NEBL: variants seen among roughly 807,000 people sequenced by gnomAD.
NEBL encodes nebulette.
NEBL carries 122 observed loss-of-function variants against 140.2 expected under a neutral mutation model. The ratio of observed to expected loss-of-function variants is 0.87; its 90% confidence interval spans 0.75 to 1.01. The LOEUF (loss-of-function observed/expected upper bound fraction) is 1.01. NEBL is among the 50% of genes least tolerant of loss of function. The pLI, the probability that NEBL is intolerant of heterozygous loss-of-function variation, is 0.00. For missense variants in NEBL, 1,365 were observed against 1,231.3 expected (o/e 1.11, Z -1.62); for synonymous variants, 436 against 398.9 (o/e 1.09, Z -1.11).
At chr10:21,160,392 G>A (rs1172952834) in intron 2 of NEBL, among the ~76,000 whole-genome samples, 1 of 151,962 alleles carries the variant, frequency 6.6e-6, no homozygotes, top group Non-Finnish European at 1.5e-5. Flanking sequence ...TTACATAACT[G>A]CTGTTTTAAA....
chr10:21,282,850 C>G (rs1224462510), intron 1 of NEBL, among the ~76,000 whole-genome samples: 1 of 152,076 alleles, frequency 6.6e-6, no homozygotes, highest in African/African-American at 2.4e-5. Flanking sequence ...ATAGGCAGGG[C>G]GCAGTGGCTC....
rs1842180680 is a variant in NEBL, at chr10:21,227,715, TTCTTCTTCTTCTTC to T, written n.348+20192_348+20205del. On this transcript the variant is annotated intron_variant and non_coding_transcript_variant, in intron 3 of 8. Transcript: ENST00000675702. ...TTCTTCTTCTTCTTCTTCTTCTTTC[TTCTTCTTCTTCTTC>T]TTCTTCTTCTTCTTCTTCTTCTTCT... is the stretch of plus-strand genomic sequence containing the variant. Among the ~76,000 whole-genome samples, 54 of 80,356 alleles carry T rather than the reference TTCTTCTTCTTCTTC, an allele frequency of 6.7e-4. 1 individual carries two copies. The highest frequency in any genetic ancestry group is 1.1e-3 in the African/African-American group (20 of 17,994). 52.7% of individuals were successfully genotyped at this position (80,356 alleles called of 152,430 possible). A position where few individuals can be genotyped will look rare whatever the true frequency, so the allele number is the denominator to read the frequency against.
chr10:21,019,126 T>A (rs1321957973), intron 3 of NEBL, among the ~76,000 whole-genome samples: 1 of 152,194 alleles, frequency 6.6e-6, no homozygotes, highest in Non-Finnish European at 1.5e-5. Flanking sequence ...TTCCCTTTCA[T>A]ATACCAGGAA....
intron 16 of NEBL, among the ~76,000 whole-genome samples, chr10:20,829,530 T>A (rs1436563201): frequency 1.3e-5 from 2 of 151,818 alleles, no homozygotes; most frequent in Non-Finnish European, 2.9e-5. Context: ...AGCACATGTA[T>A]ACATATGTAA....
intron 1 of NEBL, among the ~76,000 whole-genome samples, chr10:21,284,634 T>C (rs1197730512): frequency 6.6e-6 from 1 of 152,170 alleles, no homozygotes; most frequent in Non-Finnish European, 1.5e-5. Context: ...AGGAGTGCTA[T>C]ATAAATGCAA....
chr10:20,817,749 C>G (rs1838876468), intron 20 of NEBL, 57 bp from the exon 21 acceptor site: 1 of 1,351,530 alleles, frequency 7.4e-7, no homozygotes, highest in South Asian at 1.2e-5. Flanking sequence ...ACTGAAATAC[C>G]ACAAAGGACA....
chr10:21,002,741 G>T (rs139015833), intron 3 of NEBL, among the ~76,000 whole-genome samples: 1 of 152,036 alleles, frequency 6.6e-6, no homozygotes, highest in Non-Finnish European at 1.5e-5. Flanking sequence ...ACCAGATCTC[G>T]GGAGAACTCA....
intron 5 of NEBL, among the ~76,000 whole-genome samples, chr10:20,872,250 C>T (rs900534596): frequency 1.3e-5 from 2 of 151,990 alleles, no homozygotes; most frequent in Non-Finnish European, 2.9e-5. Context: ...AAGTAGAAGC[C>T]GGCATATGTG....
intron 2 of NEBL, chr10:21,172,371 G>A (rs1327977547): frequency 6.3e-7 from 1 of 1,599,976 alleles, no homozygotes; most frequent in Non-Finnish European, 8.6e-7. Flanking sequence ...ACAGCGTGTT[G>A]ACAATACTTA....
At chr10:20,937,197 T>G (rs1217795024) in intron 4 of NEBL, among the ~76,000 whole-genome samples, 1 of 152,100 alleles carries the variant, frequency 6.6e-6, no homozygotes, top group Non-Finnish European at 1.5e-5. Context: ...ATAAAATTCT[T>G]AAAGACCCAA....
At chr10:21,004,385 A>G (rs1358501281) in intron 3 of NEBL, among the ~76,000 whole-genome samples, 1 of 152,232 alleles carries the variant, frequency 6.6e-6, no homozygotes, top group Non-Finnish European at 1.5e-5. Flanking sequence ...ATTTGGGACG[A>G]CGTTCTATGG....
intron 1 of NEBL, among the ~76,000 whole-genome samples, chr10:21,255,706 A>G (rs1336308119): frequency 6.6e-6 from 1 of 152,132 alleles, no homozygotes; most frequent in South Asian, 2.1e-4. Flanking sequence ...TCTGAAAAGG[A>G]TTCATCTCCG....
chr10:20,869,841 T>A lies in NEBL; in HGVS notation c.481A>T (p.Ile161Phe). The change falls in exon 6 of 28, where the codon ATT becomes TTT. Residue 161 changes from isoleucine (I) to phenylalanine (F), a missense_variant and splice_region_variant. By Grantham distance (21) the Ile-to-Phe change is conservative (BLOSUM62 0). This residue lies in a region of NEBL where 1,323 missense variants were observed against 1,154.8 expected (regional missense o/e 1.15). Transcript: ENST00000377122. ...AMEVNKHQSN[I>F]SYRKDVQDTH... is the part of the protein sequence containing the mutation. Reference sequence around the variant, plus strand: ...TCCTGCACGTCTTTCCTATAAGAAATCTGATCAGAGACAGTTTTGGTTAAA... The same window carrying A: ...TCCTGCACGTCTTTCCTATAAGAAAACTGATCAGAGACAGTTTTGGTTAAA... 1 of 1,594,928 alleles carries A rather than the reference T, an allele frequency of 6.3e-7. No individual in the cohort carries two copies. The highest frequency in any genetic ancestry group is 8.6e-7 in the Non-Finnish European group (1 of 1,162,638).
intron 3 of NEBL, among the ~76,000 whole-genome samples, chr10:21,229,599 C>T (rs2132253631): frequency 6.6e-6 from 1 of 152,340 alleles, no homozygotes; most frequent in Admixed American, 6.5e-5. Flanking sequence ...CAGCTCTCAT[C>T]TGACTGGAGA....
intron 4 of NEBL, among the ~76,000 whole-genome samples, chr10:20,903,730 A>G (rs1417399140): frequency 6.6e-6 from 1 of 150,842 alleles, no homozygotes; most frequent in East Asian, 1.9e-4. Context: ...TGGGATGGAG[A>G]TGGAGGCCAT....
At chr10:21,237,765 C>G (rs1842377787) in intron 3 of NEBL, among the ~76,000 whole-genome samples, 2 of 151,984 alleles carry the variant, frequency 1.3e-5, no homozygotes, top group African/African-American at 4.8e-5. Context: ...TGCCACCAAG[C>G]CTGGCTAATT....
At chr10:21,274,840 A>T (rs1324660822) in intron 1 of NEBL, among the ~76,000 whole-genome samples, 3 of 152,030 alleles carry the variant, frequency 2.0e-5, no homozygotes, top group African/African-American at 7.2e-5. Flanking sequence ...TAATTATTTT[A>T]AAATAAAATT....
chr10:20,923,484 C>A (rs938607467), intron 4 of NEBL, among the ~76,000 whole-genome samples: 30 of 151,662 alleles, frequency 2.0e-4, no homozygotes, highest in Admixed American at 1.6e-3. Flanking sequence ...CAAGACCATC[C>A]TGACTAACAC....
chr10:20,939,452 A>G (rs1006019107), intron 4 of NEBL, among the ~76,000 whole-genome samples: 1 of 152,228 alleles, frequency 6.6e-6, no homozygotes, highest in Non-Finnish European at 1.5e-5. Flanking sequence ...CTTGGAAAGG[A>G]ACAACTGGTA....
Sources: allele counts gnomAD v4.1 joint callset (sites outside exome capture counted in the v4.1 genomes callset), GRCh38; gene constraint gnomAD v4.1.1; regional missense constraint gnomAD v4.1.1; transcripts MANE v1.5; gene names NCBI Gene and HGNC (gene_info 2026-07-23, HGNC 2026-07-21).